CMIP: variants seen among roughly 807,000 people sequenced by gnomAD.
CMIP encodes C-Maf-inducing protein.
A neutral mutation model predicts 97.3 loss-of-function variants in CMIP; 13 were observed. The ratio of observed to expected loss-of-function variants is 0.13; its 90% CI spans 0.09 to 0.21. The LOEUF is 0.21. Ranked by LOEUF, CMIP falls within the 10% of genes least tolerant of loss-of-function variation. CMIP has a pLI of 1.00. For missense variants in CMIP, 847 were observed against 1,024.9 expected (o/e 0.83, Z 2.37); for synonymous variants, 538 against 436.3 (o/e 1.23, Z -2.91).
In CMIP at chr16:81,655,953, C is replaced by T. The variant is rs924714451; in HGVS notation, c.640-1822C>T. On this transcript the variant is annotated intron_variant, in intron 4 of 20. Coordinates refer to ENST00000537098, the MANE Select transcript of CMIP (RefSeq NM_198390.3). The surrounding 1 kb of genome is among the most constrained non-coding windows in gnomAD (Gnocchi z 4.9). ...CCTGAGGCATAGAGAGCTCAGCAGT[C>T]ATAAGGAGAGACCAAGGCCAGGCTT... 1.3e-5 allele frequency among the ~76,000 whole-genome samples: 2 copies of T among 152,238 alleles called. No individual in the cohort carries two copies. The highest frequency in any genetic ancestry group is 1.3e-4 in the Admixed American group (2 of 15,302).
At chr16:81,574,997 G>A (rs1191362883) in intron 1 of CMIP, among the ~76,000 whole-genome samples, 1 of 152,160 alleles carries the variant, frequency 6.6e-6, no homozygotes, top group African/African-American at 2.4e-5. Context: ...TCCTGTAATG[G>A]GGATGGATAC....
At chr16:81,609,270 G>A (rs944859608) in intron 2 of CMIP, among the ~76,000 whole-genome samples, 8 of 146,924 alleles carry the variant, frequency 5.4e-5, no homozygotes, top group African/African-American at 7.6e-5. Context: ...TCACCCTCCT[G>A]CCAGACACTT....
chr16:81,560,724 A>T (rs1385526766), intron 1 of CMIP, among the ~76,000 whole-genome samples: 2 of 152,066 alleles, frequency 1.3e-5, no homozygotes, highest in African/African-American at 4.8e-5. Flanking sequence ...CCATATTTTC[A>T]CTGTACCTTT....
At position 81,614,033 on chromosome 16, in the gene CMIP, G is replaced by A. The variant is rs1051141235; in HGVS notation, c.426+6341G>A. On this transcript the variant is annotated intron_variant, in intron 2 of 20. Coordinates refer to ENST00000537098, the MANE Select transcript of CMIP (RefSeq NM_198390.3). This position sits in a 1 kb window ranked among gnomAD's most constrained non-coding sequence, Gnocchi z 5.3. ...ACTAGACAGGCGATTCCAGGACAGT[G>A]TGATGCGTTAGGCGAGGCATTCTGG... Among the ~76,000 whole-genome samples, 2 of 152,248 alleles carry A rather than the reference G, an allele frequency of 1.3e-5. No homozygotes were observed. The highest frequency in any genetic ancestry group is 4.8e-5 in the African/African-American group (2 of 41,466).
chr16:81,644,846 G>T (rs371485467), intron 3 of CMIP, among the ~76,000 whole-genome samples: 2 of 152,118 alleles, frequency 1.3e-5, no homozygotes, highest in African/African-American at 4.8e-5. Context: ...GGAGAGGGGG[G>T]TCTCCCATGG....
At chr16:81,692,092 G>T (rs578078457) in intron 11 of CMIP, among the ~76,000 whole-genome samples, 6 of 152,294 alleles carry the variant, frequency 3.9e-5, no homozygotes, top group Middle Eastern at 3.4e-3. Flanking sequence ...ATTGTCACAA[G>T]GATTCATGAG....
chr16:81,686,512 G>T (rs1170949160), intron 10 of CMIP, among the ~76,000 whole-genome samples: 1 of 152,196 alleles, frequency 6.6e-6, no homozygotes, highest in Non-Finnish European at 1.5e-5. Context: ...TACCGCTCTG[G>T]AGATTAAGTG....
intron 1 of CMIP, among the ~76,000 whole-genome samples, chr16:81,525,044 C>T (rs1227850994): frequency 6.6e-6 from 1 of 152,020 alleles, no homozygotes; most frequent in Admixed American, 6.5e-5. Flanking sequence ...GATCCGCCCA[C>T]CTCGGCCTCC....
rs58919554 is a variant in CMIP at position 81,654,231 on chromosome 16, T to TTTATTATTA, written c.639+1883_639+1891dup. Among the ~76,000 whole-genome samples, 1,477 of 150,810 alleles carry TTTATTATTA rather than the reference T, an allele frequency of 9.8e-3. 28 individuals carry two copies. Among genetic ancestry groups the TTTATTATTA allele is most frequent in the African/African-American group, 0.034 (1,385 of 40,692 alleles). On this transcript the variant is annotated intron_variant, in intron 4 of 20. Transcript: ENST00000537098. ...TTGGCCTTCACATCCCTCCTTGGGC[T>TTTATTATTA]TTATTATTATTATTATTATTATTAA...
At chr16:81,668,474 C>T (rs1469053173) in intron 7 of CMIP, among the ~76,000 whole-genome samples, 3 of 152,190 alleles carry the variant, frequency 2.0e-5, no homozygotes, top group Non-Finnish European at 4.4e-5. Context: ...GCAGAGCTCT[C>T]TGTGCCGTGG....
At chr16:81,466,183 C>G (rs1332937971) in intron 1 of CMIP, among the ~76,000 whole-genome samples, 1 of 152,318 alleles carries the variant, frequency 6.6e-6, no homozygotes, top group Non-Finnish European at 1.5e-5. Flanking sequence ...ACCTCAGCCT[C>G]TCGAGTAGCT....
chr16:81,555,218 C>G (rs62046633), intron 1 of CMIP, among the ~76,000 whole-genome samples: 32,090 of 152,142 alleles, frequency 0.21, 3,537 homozygotes, highest in East Asian at 0.26. Context: ...TTATAATAAG[C>G]AGCAGGCCTC....
At chr16:81,547,620 G>T (rs942443054) in intron 1 of CMIP, among the ~76,000 whole-genome samples, 1 of 152,082 alleles carries the variant, frequency 6.6e-6, no homozygotes, top group Admixed American at 6.5e-5. Context: ...GGGGGAGGAG[G>T]AGGAGGAGGA....
intron 1 of CMIP, among the ~76,000 whole-genome samples, chr16:81,461,316 C>G (rs1400493192): frequency 6.6e-6 from 1 of 152,184 alleles, no homozygotes; most frequent in Non-Finnish European, 1.5e-5. Flanking sequence ...CCCCTTCCCC[C>G]TTTTTTTGTT....
chr16:81,566,853 ATAT>A lies in CMIP; in HGVS notation c.301-40710_301-40708del, dbSNP rs2090992617. 3.9e-5 allele frequency among the ~76,000 whole-genome samples: 6 copies of A among 152,366 alleles called. No homozygotes were observed. In the South Asian group the frequency reaches 1.2e-3, roughly 32 times the overall value. ...TAAACACCATGGATGAATCTCACAG[ATAT>A]TATGTTGAACAAAATAAAGTAAAAT... is the stretch of plus-strand genomic sequence containing the variant. On this transcript the variant is annotated intron_variant, in intron 1 of 20. Coordinates refer to ENST00000537098, the MANE Select transcript of CMIP (RefSeq NM_198390.3).
At chr16:81,573,292 C>T (rs1024197832) in intron 1 of CMIP, among the ~76,000 whole-genome samples, 5 of 151,382 alleles carry the variant, frequency 3.3e-5, no homozygotes, top group African/African-American at 7.3e-5. Flanking sequence ...TGCAGTGAGC[C>T]GAGATCGCGT....
At chr16:81,570,566 C>G (rs1012169844) in intron 1 of CMIP, among the ~76,000 whole-genome samples, 3 of 152,176 alleles carry the variant, frequency 2.0e-5, no homozygotes, top group African/African-American at 4.8e-5. Flanking sequence ...CCACCCTACC[C>G]CTGTGGGACA....
chr16:81,464,549 T>C (rs954573897), intron 1 of CMIP: 2 of 152,224 alleles, frequency 1.3e-5, no homozygotes, highest in African/African-American at 4.8e-5. Flanking sequence ...GCTGAAGTTC[T>C]GAGGTTTTAA....
chr16:81,671,903 C>T (rs1175089544), intron 8 of CMIP, 63 bp from the exon 9 acceptor site: 1 of 855,566 alleles, frequency 1.2e-6, no homozygotes, highest in Admixed American at 2.1e-5. Flanking sequence ...CCTTTCCCCC[C>T]TTACCCTGTC....
Sources: allele counts gnomAD v4.1 joint callset (sites outside exome capture counted in the v4.1 genomes callset), GRCh38; gene constraint gnomAD v4.1.1; non-coding constraint Gnocchi (gnomAD v3.1); transcripts MANE v1.5; gene names NCBI Gene and HGNC (gene_info 2026-07-23, HGNC 2026-07-21).